Variants in PTCD3 observed in about 807,000 individuals in gnomAD.
PTCD3 encodes pentatricopeptide repeat domain 3.
In PTCD3, 89 loss-of-function variants were observed where a neutral mutation model predicts 101.9. The ratio of observed to expected loss-of-function variants is 0.87; its 90% CI spans 0.74 to 1.04. The LOEUF (loss-of-function observed/expected upper bound fraction) is 1.04. PTCD3 is among the 50% of genes least tolerant of loss of function. PTCD3 has a pLI of 0.00. For missense variants in PTCD3, 870 were observed against 828.2 expected (o/e 1.05, Z -0.62); for synonymous variants, 296 against 278.5 (o/e 1.06, Z -0.63).
At chr2:86,124,171 AC>A (rs1674341270) in intron 9 of PTCD3, among the ~76,000 whole-genome samples, 11 of 152,332 alleles carry the variant, frequency 7.2e-5, no homozygotes, top group Admixed American at 7.2e-4. Flanking sequence ...ATGTAGACAT[AC>A]ACAGCAGTTT....
intron 9 of PTCD3, among the ~76,000 whole-genome samples, chr2:86,124,381 G>A (rs759004831): frequency 7.5e-4 from 114 of 152,148 alleles, no homozygotes; most frequent in Non-Finnish European, 1.5e-3. Context: ...TCCTGGTGCC[G>A]TGGGAGGCCG....
chr2:86,109,206 C>T (rs1433707968), intron 3 of PTCD3, among the ~76,000 whole-genome samples: 1 of 152,100 alleles, frequency 6.6e-6, no homozygotes, highest in African/African-American at 2.4e-5. Context: ...GAGATTGAGA[C>T]CATCCTGGCT....
intron 13 of PTCD3, chr2:86,127,533 C>T: frequency 1.9e-6 from 1 of 525,142 alleles, no homozygotes; most frequent in Non-Finnish European, 3.3e-6. Context: ...TCTGTTGAAT[C>T]TGAGGAGAAG....
At chr2:86,120,623 G>A (rs1211451658) in intron 7 of PTCD3, among the ~76,000 whole-genome samples, 5 of 152,174 alleles carry the variant, frequency 3.3e-5, no homozygotes, top group Non-Finnish European at 7.4e-5. Context: ...GGCTAGGCAT[G>A]GTGGCTCACA....
chr2:86,132,355 T>C lies in PTCD3; in HGVS notation c.1304T>C (p.Val435Ala), dbSNP rs749029269. 3 of 1,609,234 alleles carry C rather than the reference T, an allele frequency of 1.9e-6. No homozygotes were observed. Among genetic ancestry groups the C allele is most frequent in the Non-Finnish European group, 2.6e-6 (3 of 1,175,756 alleles). ...AGAGATCTAGAACTTGCCTACCAAG[T>C]ACATGGCCTTTTAAAAACCGGAGAC... is the stretch of plus-strand genomic sequence containing the variant. Reference protein sequence around the residue: ...SLRDLELAYQVHGLLKTGDNW... With the variant: ...SLRDLELAYQAHGLLKTGDNW... Residue 435 changes from valine to alanine, a missense_variant, in exon 17 of 24, where the codon GTA becomes GCA. Transcript: ENST00000254630.
At chr2:86,131,476 A>G (rs921829094) in intron 16 of PTCD3, among the ~76,000 whole-genome samples, 1 of 152,126 alleles carries the variant, frequency 6.6e-6, no homozygotes, top group African/African-American at 2.4e-5. Context: ...ACCACCTCCC[A>G]AAGTGCTGGG....
chr2:86,134,701 A>G, intron 20 of PTCD3, 138 bp from the exon 21 acceptor site: 1 of 1,007,722 alleles, frequency 9.9e-7, no homozygotes, highest in Non-Finnish European at 1.5e-6. Flanking sequence ...TTTTTATTAA[A>G]TTACTTGTGT....
rs768457917 is a variant in PTCD3 at position 86,125,455 on chromosome 2, C to T, written c.805C>T (p.His269Tyr). The change falls in exon 11 of 24, where the codon CAC (histidine) becomes TAC (tyrosine). Residue 269 changes from histidine to tyrosine, a missense_variant and splice_region_variant. Coordinates refer to ENST00000254630, the MANE Select transcript of PTCD3 (RefSeq NM_017952.6). ...TGATGCTTAATTTTTCCTTTTCCAG[C>T]ACCGAGCTTATGAGCAGGCATTAAA... ...YCTMIRGMVK[H>Y]RAYEQALNLY... is the part of the protein sequence containing the mutation. 3 of 1,612,500 alleles carry T rather than the reference C, an allele frequency of 1.9e-6. No individual in the cohort carries two copies. Among genetic ancestry groups the T allele is most frequent in the Non-Finnish European group, 2.5e-6 (3 of 1,178,492 alleles).
At chr2:86,109,106 G>A (rs1445554616) in intron 3 of PTCD3, among the ~76,000 whole-genome samples, 1 of 151,682 alleles carries the variant, frequency 6.6e-6, no homozygotes, top group Admixed American at 6.6e-5. Context: ...AAAATTATGT[G>A]ACCTAAAGAC....
intron 7 of PTCD3, among the ~76,000 whole-genome samples, chr2:86,120,503 G>T (rs1674261846): frequency 6.6e-6 from 1 of 152,176 alleles, no homozygotes; most frequent in South Asian, 2.1e-4. Flanking sequence ...TGAACCAGTT[G>T]CTTCTCCATA....
intron 9 of PTCD3, among the ~76,000 whole-genome samples, chr2:86,124,098 C>G (rs1220785501): frequency 1.3e-5 from 2 of 152,084 alleles, no homozygotes; most frequent in Non-Finnish European, 2.9e-5. Flanking sequence ...AGATTTAATA[C>G]TTTTGTTTAC....
chr2:86,106,289 C>T lies in PTCD3; in HGVS notation c.42C>T (p.Ser14=). The change falls in exon 1 of 24, where the codon AGC becomes AGT. Residue 14 remains serine, a synonymous_variant. Coordinates refer to ENST00000254630, the MANE Select transcript of PTCD3 (RefSeq NM_017952.6). ...VSAVRWLGLR[S]RLGQPLTGRR... ...CTGTTCGCTGGCTGGGCCTCCGCAGCAGGCTTGGCCAGCCGCTGACGGGTC... is the reference window on the plus strand; with the variant it reads ...CTGTTCGCTGGCTGGGCCTCCGCAGTAGGCTTGGCCAGCCGCTGACGGGTC... The T allele has an allele frequency of 1.2e-6, 2 of 1,613,324 alleles. No homozygotes were observed. Among genetic ancestry groups the T allele is most frequent in the Non-Finnish European group, 1.7e-6 (2 of 1,179,934 alleles).
intron 10 of PTCD3, 55 bp downstream of exon 10, chr2:86,125,137 G>T: frequency 6.3e-7 from 1 of 1,596,468 alleles, no homozygotes; most frequent in Non-Finnish European, 8.5e-7. Context: ...GGGTGTTTCA[G>T]CCTCAGAACT....
Position 86,131,067 on chromosome 2 carries a change from T to C in PTCD3, c.1238-11T>C, listed in dbSNP as rs201553704. Reference sequence around the variant, plus strand: ...ATTGTAACCAAAGCTCTTGTGAACTTTGATTTTCAGATAAGTTTTTTCAGT... The same window carrying C: ...ATTGTAACCAAAGCTCTTGTGAACTCTGATTTTCAGATAAGTTTTTTCAGT... On this transcript the variant is annotated splice_polypyrimidine_tract_variant and intron_variant, in intron 15 of 23. Transcript: ENST00000254630. 1.1e-4 allele frequency: 174 copies of C among 1,602,818 alleles called. 1 individual carries two copies. Among genetic ancestry groups the C allele is most frequent in the Non-Finnish European group, 2.0e-5 (23 of 1,175,358 alleles).
In PTCD3 at chr2:86,123,695, T is replaced by C; in HGVS notation, c.655-6T>C. 6.3e-7 allele frequency: 1 copy of C among 1,585,766 alleles called. No individual in the cohort carries two copies. The highest frequency in any genetic ancestry group is 8.6e-7 in the Non-Finnish European group (1 of 1,167,528). ...TTTTATTTCTTTTGATGATTATTCA[T>C]TTCAGGAAGAGGAAAATGATGAGAC... On this transcript the variant is annotated splice_region_variant and splice_polypyrimidine_tract_variant and intron_variant, in intron 8 of 23. Coordinates refer to ENST00000254630, the MANE Select transcript of PTCD3 (RefSeq NM_017952.6).
chr2:86,140,401 T>C lies in PTCD3; in HGVS notation c.*2842T>C, dbSNP rs1296417383. On this transcript the variant is annotated 3_prime_UTR_variant, in exon 24 of 24. Coordinates refer to ENST00000254630, the MANE Select transcript of PTCD3 (RefSeq NM_017952.6). ...TTTGAAATCAGTTTTTGTGGGTGAT[T>C]GCAATTTTTTAATGAAATGCATTAG... The C allele has an allele frequency of 2.6e-5, 4 of 152,208 alleles. No individual in the cohort carries two copies. The highest frequency in any genetic ancestry group is 7.2e-5 in the African/African-American group (3 of 41,448). 9.4% of individuals were successfully genotyped at this position (152,208 alleles called of 1,614,324 possible).
At chr2:86,121,047 T>G (rs1169293952) in intron 7 of PTCD3, among the ~76,000 whole-genome samples, 1 of 152,238 alleles carries the variant, frequency 6.6e-6, no homozygotes, top group South Asian at 2.1e-4. Context: ...TCGACAATTA[T>G]GCTAGTATTT....
chr2:86,129,853 A>G (rs1215825660), intron 14 of PTCD3, among the ~76,000 whole-genome samples: 1 of 152,188 alleles, frequency 6.6e-6, no homozygotes, highest in Admixed American at 6.5e-5. Context: ...AGGAGTGTAG[A>G]GAAATATTTG....
At chr2:86,123,218 C>T (rs1173074145) in intron 8 of PTCD3, among the ~76,000 whole-genome samples, 2 of 149,932 alleles carry the variant, frequency 1.3e-5, no homozygotes, top group African/African-American at 4.9e-5. Flanking sequence ...GCCAAGACCA[C>T]GCCACTGCAT....
Sources: allele counts gnomAD v4.1 joint callset (sites outside exome capture counted in the v4.1 genomes callset), GRCh38; gene constraint gnomAD v4.1.1; transcripts MANE v1.5; gene names NCBI Gene and HGNC (gene_info 2026-07-23, HGNC 2026-07-21).